Variants in NCK1 observed in about 807,000 individuals in gnomAD.
NCK1 encodes SH2/SH3 adapter protein NCK1.
A neutral mutation model predicts 36.6 loss-of-function variants in NCK1; 19 were observed. That is an observed-to-expected ratio of 0.52 (90% CI 0.36 to 0.76). The LOEUF (loss-of-function observed/expected upper bound fraction) is 0.76. Ranked by LOEUF, NCK1 falls within the 30% of genes least tolerant of loss-of-function variation. The probability of loss-of-function intolerance (pLI) is 0.00; values close to 1 mark genes in which losing one functional copy is unlikely to be tolerated. For missense variants in NCK1, 358 were observed against 445.6 expected (o/e 0.80, Z 1.77); for synonymous variants, 165 against 156.0 (o/e 1.06, Z -0.43).
At chr3:136,915,593 T>A (rs1207904388) in intron 1 of NCK1, among the ~76,000 whole-genome samples, 1 of 152,190 alleles carries the variant, frequency 6.6e-6, no homozygotes, top group Non-Finnish European at 1.5e-5. Flanking sequence ...CACGTTGCTA[T>A]AAATAACTAC....
intron 1 of NCK1, among the ~76,000 whole-genome samples, chr3:136,903,561 A>G (rs1939602956): frequency 6.6e-6 from 1 of 152,048 alleles, no homozygotes. Flanking sequence ...AGTAGCTGGG[A>G]TTACAGGCAC....
chr3:136,920,533 T>A (rs923618770), intron 1 of NCK1, among the ~76,000 whole-genome samples: 8 of 152,202 alleles, frequency 5.3e-5, no homozygotes, highest in African/African-American at 1.9e-4. Context: ...GACAAACTTA[T>A]AAATATCTTA....
intron 2 of NCK1, among the ~76,000 whole-genome samples, chr3:136,944,326 G>C (rs549875986): frequency 2.8e-4 from 43 of 151,946 alleles, no homozygotes; most frequent in Non-Finnish European, 5.1e-4. Context: ...ACCATGTTTG[G>C]CCAGGATGGT....
intron 2 of NCK1, among the ~76,000 whole-genome samples, chr3:136,937,254 A>G (rs575606607): frequency 1.3e-5 from 2 of 152,304 alleles, no homozygotes; most frequent in African/African-American, 4.8e-5. Flanking sequence ...GGCACCATTG[A>G]TGAAAATCAA....
At chr3:136,889,569 G>A (rs1939177565) in intron 1 of NCK1, among the ~76,000 whole-genome samples, 1 of 152,126 alleles carries the variant, frequency 6.6e-6, no homozygotes, top group African/African-American at 2.4e-5. Flanking sequence ...GGCTCGGGCA[G>A]CCTGCTTTTA....
intron 1 of NCK1, among the ~76,000 whole-genome samples, chr3:136,901,512 C>G (rs1252421279): frequency 6.6e-6 from 1 of 151,974 alleles, no homozygotes; most frequent in African/African-American, 2.4e-5. Flanking sequence ...CAGTCCCGGA[C>G]TTCTGTTTGT....
chr3:136,891,074 C>G (rs1486732024), intron 1 of NCK1, among the ~76,000 whole-genome samples: 1 of 152,236 alleles, frequency 6.6e-6, no homozygotes, highest in Non-Finnish European at 1.5e-5. Flanking sequence ...AGTTCCTCCC[C>G]GACCAAAGGC....
intron 3 of NCK1, 49 bp downstream of exon 3, chr3:136,946,344 A>C (rs778894535): frequency 4.1e-6 from 6 of 1,472,210 alleles, no homozygotes; most frequent in Non-Finnish European, 5.5e-6. Flanking sequence ...GGGTATTTTA[A>C]AAAAAAGAGA....
chr3:136,923,444 T>C (rs1940163825), intron 1 of NCK1, among the ~76,000 whole-genome samples: 1 of 151,950 alleles, frequency 6.6e-6, no homozygotes, highest in Non-Finnish European at 1.5e-5. Context: ...TAGTCCCGGC[T>C]ACTCGGAGGC....
At chr3:136,926,697 A>G in intron 1 of NCK1, among the ~76,000 whole-genome samples, 1 of 152,336 alleles carries the variant, frequency 6.6e-6, no homozygotes, top group South Asian at 2.1e-4. Context: ...AGTATTTTCA[A>G]AATTCAATAT....
chr3:136,886,817 C>CTTTTTTTTTTTTTTTTTTTT (rs35976394), intron 1 of NCK1, among the ~76,000 whole-genome samples: 1 of 137,076 alleles, frequency 7.3e-6, no homozygotes. Context: ...CATGATCAGT[C>CTTTTTTTTTTTTTTTTTTTT]TTTTTTTTTT....
intron 1 of NCK1, among the ~76,000 whole-genome samples, chr3:136,907,294 G>A (rs1939710668): frequency 6.6e-6 from 1 of 152,150 alleles, no homozygotes; most frequent in African/African-American, 2.4e-5. Flanking sequence ...AATGTCAATG[G>A]GGTCTCCAGG....
intron 1 of NCK1, among the ~76,000 whole-genome samples, chr3:136,881,783 T>C (rs1938944999): frequency 6.6e-6 from 1 of 152,226 alleles, no homozygotes; most frequent in African/African-American, 2.4e-5. Context: ...TGGAATCATA[T>C]TGTCTTTCCG....
intron 1 of NCK1, among the ~76,000 whole-genome samples, chr3:136,924,451 A>C (rs971167580): frequency 6.6e-6 from 1 of 152,088 alleles, no homozygotes; most frequent in Non-Finnish European, 1.5e-5. Flanking sequence ...GAGACTTAAA[A>C]CATGTTAGCT....
chr3:136,918,212 A>G (rs1169517580), intron 1 of NCK1, among the ~76,000 whole-genome samples: 1 of 152,158 alleles, frequency 6.6e-6, no homozygotes, highest in Non-Finnish European at 1.5e-5. Context: ...TTATAGATAC[A>G]TATCTAAATA....
At chr3:136,881,022 C>T (rs1423766870) in intron 1 of NCK1, among the ~76,000 whole-genome samples, 1 of 152,154 alleles carries the variant, frequency 6.6e-6, no homozygotes, top group Non-Finnish European at 1.5e-5. Flanking sequence ...TATTGCCATC[C>T]ACTCAGTAGC....
At chr3:136,933,141 G>A (rs1176124125) in intron 2 of NCK1, among the ~76,000 whole-genome samples, 1 of 152,208 alleles carries the variant, frequency 6.6e-6, no homozygotes, top group African/African-American at 2.4e-5. Flanking sequence ...GAGCTGCTGT[G>A]GTAATGTAGG....
chr3:136,937,269 CCATA>C (rs1354467147), intron 2 of NCK1, among the ~76,000 whole-genome samples: 1 of 152,146 alleles, frequency 6.6e-6, no homozygotes, highest in Non-Finnish European at 1.5e-5. Context: ...AATCAATTGA[CCATA>C]GATCCATGGG....
At chr3:136,945,265 A>G (rs182305378) in intron 2 of NCK1, among the ~76,000 whole-genome samples, 1 of 152,178 alleles carries the variant, frequency 6.6e-6, no homozygotes, top group Admixed American at 6.5e-5. Flanking sequence ...AAAGAAATCT[A>G]TATTTACATT....
Sources: gnomAD v4.1 joint callset for allele counts (sites outside exome capture counted in the v4.1 genomes callset) on GRCh38, gnomAD v4.1.1 for gene constraint, MANE v1.5 for transcripts, NCBI Gene and HGNC (gene_info 2026-07-23, HGNC 2026-07-21) for gene names.